NRXN3: variants seen among roughly 807,000 people sequenced by gnomAD.
The protein encoded by NRXN3 is neurexin 3, also known as neurexin III.
NRXN3 carries 32 observed loss-of-function variants against 137.6 expected under a neutral mutation model. That is an observed-to-expected ratio of 0.23 (90% CI 0.18 to 0.31). NRXN3 has a LOEUF of 0.31. NRXN3 is among the 10% of genes least tolerant of loss of function. The probability of loss-of-function intolerance (pLI) is 1.00; values close to 1 mark genes in which losing one functional copy is unlikely to be tolerated. For synonymous variants in NRXN3, 798 were observed against 784.5 expected (o/e 1.02, Z -0.29); for missense variants, 1,574 against 2,062.5 (o/e 0.76, Z 4.59).
intron 4 of NRXN3, among the ~76,000 whole-genome samples, chr14:78,372,401 T>C (rs1427165600): frequency 6.6e-6 from 1 of 152,114 alleles, no homozygotes; most frequent in Non-Finnish European, 1.5e-5. Context: ...TGCAGTTCAC[T>C]GCAGCCTCTG....
At chr14:79,358,670 T>A (rs78874796) in intron 15 of NRXN3, among the ~76,000 whole-genome samples, 143 of 83,128 alleles carry the variant, frequency 1.7e-3, no homozygotes, top group East Asian at 0.014. Flanking sequence ...AGAAAGAAAG[T>A]GTCCTAAAAG....
At chr14:78,992,404 A>G (rs1315559687) in intron 15 of NRXN3, among the ~76,000 whole-genome samples, 1 of 152,192 alleles carries the variant, frequency 6.6e-6, no homozygotes, top group Non-Finnish European at 1.5e-5. Flanking sequence ...TAAGAACAAC[A>G]AAAGAAATGG....
intron 4 of NRXN3, among the ~76,000 whole-genome samples, chr14:78,604,908 T>C (rs761424671): frequency 6.6e-6 from 1 of 152,210 alleles, no homozygotes; most frequent in Admixed American, 6.5e-5. Flanking sequence ...AGCATGGGTG[T>C]ATGACAGACC....
chr14:78,811,471 G>A (rs2098912641), intron 10 of NRXN3, among the ~76,000 whole-genome samples: 1 of 152,182 alleles, frequency 6.6e-6, no homozygotes, highest in Non-Finnish European at 1.5e-5. Flanking sequence ...TGCTAGACAT[G>A]ACTCCATCCT....
intron 16 of NRXN3, among the ~76,000 whole-genome samples, chr14:79,642,894 T>C (rs1305518456): frequency 1.5e-5 from 2 of 136,436 alleles, no homozygotes; most frequent in African/African-American, 4.9e-5. Flanking sequence ...AGTCAAATGC[T>C]TTGCAGCCAG....
chr14:78,310,107 C>T (rs529142871), intron 4 of NRXN3, among the ~76,000 whole-genome samples: 72 of 152,182 alleles, frequency 4.7e-4, no homozygotes, highest in Middle Eastern at 3.4e-3. Flanking sequence ...GGCTGCTTAA[C>T]TCTAGGAAGA....
At chr14:78,333,904 T>C (rs564463336) in intron 4 of NRXN3, among the ~76,000 whole-genome samples, 2 of 151,906 alleles carry the variant, frequency 1.3e-5, no homozygotes, top group South Asian at 4.2e-4. Flanking sequence ...AGGTGAGAGA[T>C]TGAGGAGGTG....
At chr14:78,355,020 A>C (rs1345423588) in intron 4 of NRXN3, among the ~76,000 whole-genome samples, 1 of 152,194 alleles carries the variant, frequency 6.6e-6, no homozygotes, top group African/African-American at 2.4e-5. Flanking sequence ...AAGAAGAAAG[A>C]GGCTGCAGCC....
intron 15 of NRXN3, among the ~76,000 whole-genome samples, chr14:79,454,888 A>G (rs545027330): frequency 2.6e-5 from 4 of 152,216 alleles, no homozygotes; most frequent in Non-Finnish European, 2.9e-5. Context: ...GCTGAAATAC[A>G]CTACTTTTCA....
At chr14:78,757,307 G>A (rs2098673155) in intron 8 of NRXN3, among the ~76,000 whole-genome samples, 1 of 151,948 alleles carries the variant, frequency 6.6e-6, no homozygotes, top group Non-Finnish European at 1.5e-5. Flanking sequence ...CTACTCAGGA[G>A]GCTGAGGCAG....
chr14:79,489,087 C>A (rs1013868476), intron 16 of NRXN3, among the ~76,000 whole-genome samples: 1 of 152,042 alleles, frequency 6.6e-6, no homozygotes, highest in African/African-American at 2.4e-5. Flanking sequence ...AGTAGCCTGT[C>A]ATTATTTTGG....
At chr14:78,419,566 C>G (rs1262563697) in intron 4 of NRXN3, among the ~76,000 whole-genome samples, 1 of 152,062 alleles carries the variant, frequency 6.6e-6, no homozygotes, top group Non-Finnish European at 1.5e-5. Flanking sequence ...CCAGATCTCC[C>G]TCTCATAGTC....
chr14:79,711,670 G>A (rs1307751678), intron 19 of NRXN3, among the ~76,000 whole-genome samples: 4 of 152,176 alleles, frequency 2.6e-5, no homozygotes, highest in Non-Finnish European at 5.9e-5. Context: ...CCCCTTTGGG[G>A]AAAAGGCATC....
At chr14:79,614,765 C>T (rs915623076) in intron 16 of NRXN3, among the ~76,000 whole-genome samples, 2 of 152,250 alleles carry the variant, frequency 1.3e-5, no homozygotes, top group Non-Finnish European at 2.9e-5. Context: ...AACAAACTGG[C>T]GGGATTTCAT....
chr14:79,565,996 A>G (rs1303907448), intron 16 of NRXN3, among the ~76,000 whole-genome samples: 2 of 152,084 alleles, frequency 1.3e-5, no homozygotes, highest in East Asian at 3.9e-4. Flanking sequence ...CTTAGCATGG[A>G]TTATTTTCCC....
intron 10 of NRXN3, among the ~76,000 whole-genome samples, chr14:78,844,053 G>A (rs1453667304): frequency 6.6e-6 from 1 of 151,982 alleles, no homozygotes; most frequent in East Asian, 1.9e-4. Context: ...TAAAATCAAG[G>A]CACTGGCAAA....
intron 19 of NRXN3, among the ~76,000 whole-genome samples, chr14:79,799,338 G>A (rs1441097586): frequency 6.6e-6 from 1 of 152,164 alleles, no homozygotes; most frequent in African/African-American, 2.4e-5. Context: ...GAGAAAGCAA[G>A]TTAAGGTGCT....
At position 79,841,854 on chromosome 14, in the gene NRXN3, A is replaced by G. The variant is rs990142835; in HGVS notation, c.4094-19488A>G. On this transcript the variant is annotated intron_variant, in intron 20 of 20. Transcript: ENST00000335750. ...GTTTCTTAAGCCAGCTGTGGATAAG[A>G]AGGTCCAATTTGCATTGGAACTGCT... Among the ~76,000 whole-genome samples, 76 of 152,244 alleles carry G rather than the reference A, an allele frequency of 5.0e-4. 3 individuals are homozygous for G. The highest frequency in any genetic ancestry group is 4.9e-3 in the Admixed American group (75 of 15,284).
chr14:79,200,252 A>G (rs190646936), intron 15 of NRXN3, among the ~76,000 whole-genome samples: 2 of 152,214 alleles, frequency 1.3e-5, no homozygotes, highest in South Asian at 2.1e-4. Context: ...CTGCTAAGCT[A>G]AAGTTGTGGA....
Sources: gnomAD v4.1 joint callset for allele counts (sites outside exome capture counted in the v4.1 genomes callset) on GRCh38, gnomAD v4.1.1 for gene constraint, MANE v1.5 for transcripts, NCBI Gene and HGNC (gene_info 2026-07-23, HGNC 2026-07-21) for gene names.